TCAIM: variants seen among roughly 807,000 people sequenced by gnomAD.
The protein encoded by TCAIM is T cell activation inhibitor, mitochondrial, also known as T-cell activation inhibitor, mitochondrial.
A neutral mutation model predicts 58.6 loss-of-function variants in TCAIM; 36 were observed. The observed-to-expected ratio is 0.61, with a 90% CI of 0.47 to 0.81. The LOEUF (loss-of-function observed/expected upper bound fraction) is 0.81, where lower values mean the gene tolerates loss of function less well. Ranked by LOEUF, TCAIM falls within the 30% of genes least tolerant of loss-of-function variation. TCAIM has a pLI of 0.00. For missense variants in TCAIM, 466 were observed against 579.6 expected, an observed-to-expected ratio of 0.80 and a Z score of 2.01; for synonymous variants, 172 against 193.6, an observed-to-expected ratio of 0.89 and a Z score of 0.93.
intron 5 of TCAIM, among the ~76,000 whole-genome samples, chr3:44,385,297 G>A (rs1419692083): frequency 6.6e-6 from 1 of 152,104 alleles, no homozygotes; most frequent in Non-Finnish European, 1.5e-5. Flanking sequence ...TGTCCTGATG[G>A]GTATGAGCTG....
At position 44,378,414 on chromosome 3, in the gene TCAIM, CA is replaced by C. The variant is rs374992386; in HGVS notation, c.572+10712del. On this transcript the variant is annotated intron_variant, in intron 5 of 10. Coordinates refer to ENST00000342649, the MANE Select transcript of TCAIM (RefSeq NM_173826.4). The stretch of plus-strand genomic sequence containing the variant: ...CCCCCCAAAAAAAAAATTTTACAAG[CA>C]AAAAACAGCCCCATTAAAAAGCAGG... Among the ~76,000 whole-genome samples the C allele has an allele frequency of 2.0e-3, 311 of 151,822 alleles. 1 individual carries two copies. The highest frequency in any genetic ancestry group is 6.4e-3 in the African/African-American group (263 of 41,410).
chr3:44,379,970 G>C (rs1229299625), intron 5 of TCAIM, among the ~76,000 whole-genome samples: 1 of 151,984 alleles, frequency 6.6e-6, no homozygotes, highest in Non-Finnish European at 1.5e-5. Context: ...TGAAGAAATG[G>C]TCTGTACACG....
intron 5 of TCAIM, among the ~76,000 whole-genome samples, chr3:44,392,186 G>C (rs560486938): frequency 2.6e-5 from 4 of 152,304 alleles, no homozygotes; most frequent in Admixed American, 6.5e-5. Context: ...TGATTTGACA[G>C]GTGTTGGCAG....
At chr3:44,401,407 A>G in intron 10 of TCAIM, 73 bp downstream of exon 10, 1 of 1,572,888 alleles carries the variant, frequency 6.4e-7, no homozygotes, top group Non-Finnish European at 8.7e-7. Context: ...TGGAACTCAT[A>G]AATATGGGAC....
upstream of TCAIM, chr3:44,338,693 C>A (rs1282480616): frequency 6.6e-6 from 1 of 152,362 alleles, no homozygotes; most frequent in African/African-American, 2.4e-5. Flanking sequence ...GTGCGTCGCG[C>A]GCTGGTTGGC....
intron 1 of TCAIM, among the ~76,000 whole-genome samples, chr3:44,346,746 A>G (rs990386037): frequency 6.6e-6 from 1 of 152,228 alleles, no homozygotes; most frequent in Non-Finnish European, 1.5e-5. Flanking sequence ...GCGTGCAGAC[A>G]TGAAGGCTAG....
intron 5 of TCAIM, among the ~76,000 whole-genome samples, chr3:44,374,793 G>A (rs745575177): frequency 6.6e-6 from 1 of 151,930 alleles, no homozygotes; most frequent in Non-Finnish European, 1.5e-5. Context: ...AAAAACTATT[G>A]CTCTATGAAC....
intron 6 of TCAIM, among the ~76,000 whole-genome samples, chr3:44,395,137 A>T (rs1246079370): frequency 6.6e-6 from 1 of 151,312 alleles, no homozygotes; most frequent in East Asian, 1.9e-4. Context: ...AACAGCCTAT[A>T]TAAAACACCA....
Position 44,396,449 on chromosome 3 carries a change from T to C in TCAIM, c.745T>C (p.Leu249=), listed in dbSNP as rs771122265. 1 of 1,613,924 alleles carries C rather than the reference T, an allele frequency of 6.2e-7. No individual in the cohort carries two copies. The highest frequency in any genetic ancestry group is 2.2e-5 in the East Asian group (1 of 44,892). The change falls in exon 7 of 11, where the codon TTA becomes CTA. Residue 249 remains leucine, a synonymous_variant. Coordinates refer to ENST00000342649, the MANE Select transcript of TCAIM (RefSeq NM_173826.4). ...IAHRCSQLHS[L]SRLAQQNLET... ...CCACCGCTGTAGCCAGCTGCATAGTTTAAGCCGCTTAGCACAGCAGAATTT... is the reference window on the plus strand; with the variant it reads ...CCACCGCTGTAGCCAGCTGCATAGTCTAAGCCGCTTAGCACAGCAGAATTT...
At chr3:44,376,870 C>G (rs144344579) in intron 5 of TCAIM, among the ~76,000 whole-genome samples, 3 of 152,242 alleles carry the variant, frequency 2.0e-5, no homozygotes, top group South Asian at 4.1e-4. Context: ...GGGTGGATCA[C>G]GAGGTCAGGA....
chr3:44,357,648 C>G, intron 2 of TCAIM, 93 bp from the exon 3 acceptor site: 1 of 1,501,928 alleles, frequency 6.7e-7, no homozygotes, highest in Non-Finnish European at 9.0e-7. Context: ...TTCTGCTGTG[C>G]ATAGTACGTT....
chr3:44,400,268 G>A (rs1702000477), intron 8 of TCAIM, 87 bp from the exon 9 acceptor site: 1 of 1,025,800 alleles, frequency 9.7e-7, no homozygotes, highest in Non-Finnish European at 1.4e-6. Context: ...TGTTAAAAAT[G>A]TCTTAATGCC....
intron 5 of TCAIM, among the ~76,000 whole-genome samples, chr3:44,389,664 A>G (rs1043964618): frequency 2.6e-5 from 4 of 152,302 alleles, no homozygotes; most frequent in Non-Finnish European, 5.9e-5. Flanking sequence ...ATCACACACC[A>G]TGCAGAAGTG....
At chr3:44,391,974 A>G (rs890313681) in intron 5 of TCAIM, among the ~76,000 whole-genome samples, 4 of 152,228 alleles carry the variant, frequency 2.6e-5, no homozygotes, top group South Asian at 4.2e-4. Context: ...CTTGCTCCAT[A>G]ATTAGTATTA....
At chr3:44,367,394 A>G (rs972137990) in intron 4 of TCAIM, 62 bp from the exon 5 acceptor site, 10 of 1,501,358 alleles carry the variant, frequency 6.7e-6, no homozygotes, top group African/African-American at 1.4e-5. Flanking sequence ...TTGATTTTAT[A>G]TATGTTGAAA....
Position 44,407,880 on chromosome 3 carries a change from G to A in TCAIM, c.*198G>A, listed in dbSNP as rs117184644. ...GCCAGGCGTGGTGGCTCATGCCTGC[G>A]GTCCCAGCTACTTAGGGAGGCTAAG... is the stretch of plus-strand genomic sequence containing the variant. On this transcript the variant is annotated 3_prime_UTR_variant, in exon 11 of 11. Coordinates refer to ENST00000342649, the MANE Select transcript of TCAIM (RefSeq NM_173826.4). The A allele has an allele frequency of 1.5e-3, 765 of 507,920 alleles. 10 individuals are homozygous for A. The East Asian group carries it at 0.028, about 19-fold the overall frequency. 31.5% of individuals were successfully genotyped at this position (507,920 alleles called of 1,614,324 possible). A position where few individuals can be genotyped will look rare whatever the true frequency, so the allele number is the denominator to read the frequency against.
chr3:44,362,695 G>A (rs1016028900), intron 4 of TCAIM: 1 of 323,936 alleles, frequency 3.1e-6, no homozygotes, highest in Non-Finnish European at 5.6e-6. Context: ...GAAGGAACAG[G>A]TATACTGAAG....
At position 44,399,386 on chromosome 3, in the gene TCAIM, G is replaced by A. The variant is rs118188018; in HGVS notation, c.886-969G>A. Among the ~76,000 whole-genome samples, 133 of 152,280 alleles carry A rather than the reference G, an allele frequency of 8.7e-4. 2 individuals carry two copies. The East Asian group carries it at 0.024, about 28-fold the overall frequency. On this transcript the variant is annotated intron_variant, in intron 8 of 10. Transcript: ENST00000342649. ...AATTATTTTCCACAAGATGTTAAAA[G>A]TAGATTATAAATAATTTGTAGAATT...
rs878978937 is a variant in TCAIM, at chr3:44,367,969, A to G, written c.572+261A>G. On this transcript the variant is annotated intron_variant, in intron 5 of 10. Coordinates refer to ENST00000342649, the MANE Select transcript of TCAIM (RefSeq NM_173826.4). ...AAGTTGTGGTCTTTTGATACCAAACACATGCAGGAGATTGTTTTGTTTAAC... is the reference window on the plus strand; with the variant it reads ...AAGTTGTGGTCTTTTGATACCAAACGCATGCAGGAGATTGTTTTGTTTAAC... 2.0e-5 allele frequency: 7 copies of G among 353,262 alleles called. No homozygotes were observed. In the Admixed American group the frequency reaches 2.6e-4, roughly 13 times the overall value. 21.9% of individuals were successfully genotyped at this position (353,262 alleles called of 1,614,324 possible).
Sources: gnomAD v4.1 joint callset for allele counts (sites outside exome capture counted in the v4.1 genomes callset) on GRCh38, gnomAD v4.1.1 for gene constraint, MANE v1.5 for transcripts, NCBI Gene and HGNC (gene_info 2026-07-23, HGNC 2026-07-21) for gene names.